PDIA3: variants seen among roughly 807,000 people sequenced by gnomAD.
PDIA3 encodes the protein protein disulfide-isomerase A3.
In PDIA3, 16 loss-of-function variants were observed where a neutral mutation model predicts 56.9. The ratio of observed to expected loss-of-function variants is 0.28; its 90% CI spans 0.19 to 0.43. The LOEUF (loss-of-function observed/expected upper bound fraction) is 0.43. Ranked by LOEUF, PDIA3 falls within the 20% of genes least tolerant of loss-of-function variation. PDIA3 has a pLI of 1.00. For synonymous variants in PDIA3, 192 were observed against 216.5 expected (o/e 0.89, Z 0.99); for missense variants, 485 against 621.3 (o/e 0.78, Z 2.33).
intron 1 of PDIA3, among the ~76,000 whole-genome samples, chr15:43,750,986 G>A (rs1218605553): frequency 1.3e-5 from 2 of 151,704 alleles, no homozygotes; most frequent in East Asian, 3.9e-4. Context: ...ACAAAAATTG[G>A]CTAGGCACGG....
At position 43,761,283 on chromosome 15, in the gene PDIA3, A is replaced by G. The variant is rs1370077512; in HGVS notation, c.365-141A>G. On this transcript the variant is annotated intron_variant, in intron 3 of 12. Transcript: ENST00000300289. ...AAACCTGAAATCTTACAAGGAGGAA[A>G]CTGGGTGACTAGGGACAAGGGTGGC... The G allele has an allele frequency of 6.2e-6, 3 of 487,516 alleles. No individual in the cohort carries two copies. The South Asian group carries it at 1.1e-4, about 18-fold the overall frequency. The allele number at this position is 487,516 out of a possible 1,614,324, so 30.2% of individuals were successfully genotyped here.
In PDIA3 at chr15:43,772,397, TTATAG is replaced by T. The variant is rs1421794885; in HGVS notation, c.*1182_*1186del. 7.2e-5 allele frequency: 11 copies of T among 152,242 alleles called. No individual in the cohort carries two copies. In the South Asian group the frequency reaches 8.3e-4, roughly 11 times the overall value. 9.4% of individuals were successfully genotyped at this position (152,242 alleles called of 1,614,324 possible). On this transcript the variant is annotated 3_prime_UTR_variant, in exon 13 of 13. Coordinates refer to ENST00000300289, the MANE Select transcript of PDIA3 (RefSeq NM_005313.5). ...ATTTTAAGATGAATTTGGTAGAGCC[TTATAG>T]TAAAGTATGTATCTTGGTCACACAC... is the stretch of plus-strand genomic sequence containing the variant.
At position 43,770,411 on chromosome 15, in the gene PDIA3, C is replaced by T. The variant is rs758461063; in HGVS notation, c.1346+82C>T. 134 of 1,365,566 alleles carry T rather than the reference C, an allele frequency of 9.8e-5. 1 individual carries two copies. Among genetic ancestry groups the T allele is most frequent in the Non-Finnish European group, 1.3e-4 (128 of 955,782 alleles). 84.6% of individuals were successfully genotyped at this position (1,365,566 alleles called of 1,614,324 possible). A position where few individuals can be genotyped will look rare whatever the true frequency, so the allele number is the denominator to read the frequency against. Reference sequence around the variant, plus strand: ...TAACCACCAGGAAATCATTACTAGACATAGTTTTCATATTCAGTTGAAGGC... The same window carrying T: ...TAACCACCAGGAAATCATTACTAGATATAGTTTTCATATTCAGTTGAAGGC... On this transcript the variant is annotated intron_variant, in intron 11 of 12. Transcript: ENST00000300289.
intron 1 of PDIA3, among the ~76,000 whole-genome samples, chr15:43,749,868 G>T (rs528546513): frequency 6.6e-6 from 1 of 152,198 alleles, no homozygotes; most frequent in South Asian, 2.1e-4. Flanking sequence ...GATCACTTGA[G>T]CCTGGGAGGT....
At chr15:43,762,549 A>G (rs1389341279) in intron 4 of PDIA3, among the ~76,000 whole-genome samples, 1 of 151,942 alleles carries the variant, frequency 6.6e-6, no homozygotes, top group African/African-American at 2.4e-5. Flanking sequence ...TGGCAGCAGA[A>G]TATGGTTTAC....
intron 1 of PDIA3, 118 bp downstream of exon 1, chr15:43,746,824 C>T (rs915850025): frequency 5.6e-5 from 64 of 1,141,248 alleles, no homozygotes; most frequent in Non-Finnish European, 6.9e-5. Context: ...GCCCCTGCTG[C>T]GGCGGGCACA....
chr15:43,752,032 A>G (rs2086747694), intron 1 of PDIA3, among the ~76,000 whole-genome samples: 1 of 152,184 alleles, frequency 6.6e-6, no homozygotes. Flanking sequence ...GAAATATATT[A>G]TCTTCTAGAT....
intron 1 of PDIA3, among the ~76,000 whole-genome samples, chr15:43,751,120 A>C (rs372769920): frequency 7.1e-6 from 1 of 141,360 alleles, no homozygotes; most frequent in African/African-American, 2.6e-5. Flanking sequence ...TGACAGAGCA[A>C]GACTCCGTCT....
At chr15:43,756,847 TA>T (rs2141648532) in intron 3 of PDIA3, 81 bp downstream of exon 3, 1 of 786,248 alleles carries the variant, frequency 1.3e-6, no homozygotes, top group African/African-American at 1.7e-5. Flanking sequence ...TGTGTTTTTC[TA>T]CACAGTATAC....
At chr15:43,753,047 G>T in intron 1 of PDIA3, 1 of 355,032 alleles carries the variant, frequency 2.8e-6, no homozygotes, top group Non-Finnish European at 5.6e-6. Flanking sequence ...TATCATACTT[G>T]AGACATTACA....
At chr15:43,749,911 C>T (rs2086732555) in intron 1 of PDIA3, among the ~76,000 whole-genome samples, 1 of 151,834 alleles carries the variant, frequency 6.6e-6, no homozygotes, top group Admixed American at 6.6e-5. Context: ...TGCACCATTG[C>T]ACTCCAGCCT....
intron 3 of PDIA3, among the ~76,000 whole-genome samples, chr15:43,757,296 C>T (rs1026408234): frequency 2.6e-5 from 4 of 152,124 alleles, no homozygotes; most frequent in Non-Finnish European, 4.4e-5. Flanking sequence ...CGGTGGCTCA[C>T]GCCTGTAATC....
chr15:43,754,035 T>C, intron 2 of PDIA3, 133 bp downstream of exon 2: 1 of 668,326 alleles, frequency 1.5e-6, no homozygotes, highest in Non-Finnish European at 2.7e-6. Context: ...TTCTCTACTC[T>C]TATTCTGCTA....
rs543233445 is a variant in PDIA3 at position 43,768,506 on chromosome 15, T to A, written c.1046T>A (p.Leu349Gln). 1 of 1,613,464 alleles carries A rather than the reference T, an allele frequency of 6.2e-7. No individual in the cohort carries two copies. The highest frequency in any genetic ancestry group is 8.5e-7 in the Non-Finnish European group (1 of 1,179,410). Residue 349 changes from leucine to glutamine, a missense_variant, in exon 9 of 13, where the codon CTG becomes CAG. By Grantham distance (113) the Leu-to-Gln change is moderately radical. Coordinates refer to ENST00000300289, the MANE Select transcript of PDIA3 (RefSeq NM_005313.5). Reference sequence around the variant, plus strand: ...AATTGTAGGCGTGATGGGAAGGCTCTGGAGAGGTTCCTGCAGGATTACTTT... The same window carrying A: ...AATTGTAGGCGTGATGGGAAGGCTCAGGAGAGGTTCCTGCAGGATTACTTT... ...QEEFSRDGKA[L>Q]ERFLQDYFDG... is the part of the protein sequence containing the mutation.
At position 43,763,464 on chromosome 15, in the gene PDIA3, G is replaced by C. The variant is rs1477379102; in HGVS notation, c.602+258G>C. Among the ~76,000 whole-genome samples, 4 of 152,192 alleles carry C rather than the reference G, an allele frequency of 2.6e-5. No individual in the cohort carries two copies. The East Asian group carries it at 7.7e-4, about 29-fold the overall frequency. ...GACAGGGTTTCACCATGTTGCCCAG[G>C]CTGGTTTCAAATTCCTGGCCTCAAG... On this transcript the variant is annotated intron_variant, in intron 5 of 12. Transcript: ENST00000300289.
chr15:43,751,754 A>G (rs1317020007), intron 1 of PDIA3: 1 of 1,294,920 alleles, frequency 7.7e-7, no homozygotes, highest in African/African-American at 1.5e-5. Context: ...GGAGATTCTC[A>G]TTCAGTAAGC....
Position 43,773,141 on chromosome 15 carries a change from A to G in PDIA3, c.*1923A>G, listed in dbSNP as rs761289258. ...TCAGCTGCCCCTGTTCTTTTCCTCA[A>G]ACTCCAGGATGAGACCTTTAATGTG... is the stretch of plus-strand genomic sequence containing the variant. On this transcript the variant is annotated 3_prime_UTR_variant, in exon 13 of 13. Transcript: ENST00000300289. 1.9e-5 allele frequency: 31 copies of G among 1,610,140 alleles called. No individual in the cohort carries two copies. The highest frequency in any genetic ancestry group is 2.5e-5 in the Non-Finnish European group (29 of 1,179,036).
At chr15:43,749,665 C>T (rs554518730) in intron 1 of PDIA3, among the ~76,000 whole-genome samples, 11 of 152,160 alleles carry the variant, frequency 7.2e-5, no homozygotes, top group Admixed American at 3.9e-4. Flanking sequence ...TGGTGGCGCA[C>T]ATCTGTAATC....
chr15:43,767,182 T>A (rs1324319440), intron 8 of PDIA3, among the ~76,000 whole-genome samples: 1 of 151,608 alleles, frequency 6.6e-6, no homozygotes, highest in Non-Finnish European at 1.5e-5. Context: ...AAACCCCGTC[T>A]CTACTAAAAA....
Sources: allele counts gnomAD v4.1 joint callset (sites outside exome capture counted in the v4.1 genomes callset), GRCh38; gene constraint gnomAD v4.1.1; transcripts MANE v1.5; gene names NCBI Gene and HGNC (gene_info 2026-07-23, HGNC 2026-07-21).